FBXL17: variants seen among roughly 807,000 people sequenced by gnomAD.
The protein encoded by FBXL17 is F-box/LRR-repeat protein 17.
A neutral mutation model predicts 66.2 loss-of-function variants in FBXL17; 22 were observed. The ratio of observed to expected loss-of-function variants is 0.33; its 90% CI spans 0.24 to 0.47. FBXL17 has a LOEUF of 0.47. Ranked by LOEUF, FBXL17 falls within the 20% of genes least tolerant of loss-of-function variation. The pLI is 1.00. For missense variants in FBXL17, 878 were observed against 948.2 expected (o/e 0.93, Z 0.97); for synonymous variants, 474 against 400.5 (o/e 1.18, Z -2.19).
chr5:107,922,495 C>A (rs1434984700), intron 7 of FBXL17, among the ~76,000 whole-genome samples: 3 of 152,062 alleles, frequency 2.0e-5, no homozygotes, highest in Non-Finnish European at 2.9e-5. Flanking sequence ...GGTTAAAAAA[C>A]CCTCCATGGA....
intron 6 of FBXL17, among the ~76,000 whole-genome samples, chr5:108,047,229 C>T (rs1046682617): frequency 1.3e-5 from 2 of 152,184 alleles, no homozygotes; most frequent in Non-Finnish European, 2.9e-5. Context: ...GGGGAGCCAC[C>T]CCTCATCCAA....
chr5:108,050,909 C>T (rs1747446297), intron 6 of FBXL17, among the ~76,000 whole-genome samples: 1 of 150,564 alleles, frequency 6.6e-6, no homozygotes, highest in African/African-American at 2.4e-5. Context: ...GTTGATATCA[C>T]CACTGATACC....
At chr5:108,286,656 C>T (rs1757912078) in intron 4 of FBXL17, among the ~76,000 whole-genome samples, 1 of 151,614 alleles carries the variant, frequency 6.6e-6, no homozygotes, top group Admixed American at 6.6e-5. Flanking sequence ...CACAGAAAAA[C>T]ATTCCATGCT....
chr5:108,164,073 C>T (rs983557826), intron 6 of FBXL17, among the ~76,000 whole-genome samples: 3 of 152,000 alleles, frequency 2.0e-5, no homozygotes, highest in East Asian at 3.9e-4. Flanking sequence ...AAAATTACTC[C>T]GAAACAGAAC....
At chr5:108,099,449 A>G (rs567393440) in intron 6 of FBXL17, among the ~76,000 whole-genome samples, 1 of 152,336 alleles carries the variant, frequency 6.6e-6, no homozygotes, top group Non-Finnish European at 1.5e-5. Context: ...AGATGCAGTT[A>G]GAGTTGAACA....
intron 7 of FBXL17, among the ~76,000 whole-genome samples, chr5:107,901,684 C>T (rs1749572080): frequency 2.0e-5 from 3 of 152,212 alleles, no homozygotes; most frequent in South Asian, 2.1e-4. Flanking sequence ...TCTAGGCCTG[C>T]CTTCCTATTG....
chr5:108,321,608 C>G (rs1477274101), intron 4 of FBXL17, among the ~76,000 whole-genome samples: 1 of 151,788 alleles, frequency 6.6e-6, no homozygotes, highest in Admixed American at 6.6e-5. Context: ...TGCTCTATTA[C>G]CTGTGGATAT....
chr5:108,092,245 A>C (rs562393408), intron 6 of FBXL17, among the ~76,000 whole-genome samples: 2 of 152,206 alleles, frequency 1.3e-5, no homozygotes, highest in Non-Finnish European at 2.9e-5. Flanking sequence ...AGGTGGATAC[A>C]ATGAGAGTAG....
chr5:108,158,641 C>T (rs1580531257), intron 6 of FBXL17, among the ~76,000 whole-genome samples: 1 of 151,736 alleles, frequency 6.6e-6, no homozygotes, highest in Admixed American at 6.6e-5. Flanking sequence ...AGGAACAGGG[C>T]CAGGCACTAT....
chr5:107,957,766 T>C (rs573561486), intron 7 of FBXL17, among the ~76,000 whole-genome samples: 1 of 152,326 alleles, frequency 6.6e-6, no homozygotes, highest in Non-Finnish European at 1.5e-5. Context: ...GCCTAGGCCA[T>C]AATTTGTACA....
intron 7 of FBXL17, among the ~76,000 whole-genome samples, chr5:107,921,083 T>C (rs889771979): frequency 1.3e-5 from 2 of 152,192 alleles, no homozygotes; most frequent in African/African-American, 4.8e-5. Flanking sequence ...AAAACTAACA[T>C]TGTTTGACTA....
At chr5:107,889,689 C>G (rs1321985901) in intron 7 of FBXL17, among the ~76,000 whole-genome samples, 2 of 152,152 alleles carry the variant, frequency 1.3e-5, no homozygotes, top group Non-Finnish European at 2.9e-5. Flanking sequence ...CATCTGCTTT[C>G]CTTCCTATGA....
At chr5:108,366,606 C>T (rs1267146955) in intron 2 of FBXL17, among the ~76,000 whole-genome samples, 1 of 151,864 alleles carries the variant, frequency 6.6e-6, no homozygotes, top group Non-Finnish European at 1.5e-5. Context: ...CTATTATTAG[C>T]CTGAGTTCAT....
At chr5:108,172,600 GA>G (rs1752648383) in intron 6 of FBXL17, among the ~76,000 whole-genome samples, 1 of 152,112 alleles carries the variant, frequency 6.6e-6, no homozygotes, top group Non-Finnish European at 1.5e-5. Flanking sequence ...TCCCCAACAT[GA>G]AGTAATATTA....
At chr5:108,072,915 A>T (rs1195992460) in intron 6 of FBXL17, among the ~76,000 whole-genome samples, 1 of 152,248 alleles carries the variant, frequency 6.6e-6, no homozygotes, top group Non-Finnish European at 1.5e-5. Context: ...AAAAGGACTA[A>T]ATCTGAGATG....
intron 4 of FBXL17, among the ~76,000 whole-genome samples, chr5:108,319,130 T>C (rs1211914861): frequency 6.6e-6 from 1 of 152,016 alleles, no homozygotes; most frequent in African/African-American, 2.4e-5. Flanking sequence ...AAATAAGCCA[T>C]TCCACTTAAA....
At chr5:108,361,232 C>T (rs1015409423) in intron 3 of FBXL17, among the ~76,000 whole-genome samples, 6 of 152,036 alleles carry the variant, frequency 3.9e-5, no homozygotes, top group African/African-American at 1.4e-4. Flanking sequence ...TAGATTCTCC[C>T]CACTTCCCTA....
chr5:108,025,680 T>TAC (rs151215184), intron 6 of FBXL17, among the ~76,000 whole-genome samples: 7,603 of 130,048 alleles, frequency 0.058, 453 homozygotes, highest in African/African-American at 0.18. Flanking sequence ...CTACAACACA[T>TAC]ACACACACAC....
chr5:108,369,201 T>C (rs1038236773), intron 1 of FBXL17, among the ~76,000 whole-genome samples: 1 of 152,150 alleles, frequency 6.6e-6, no homozygotes, highest in Admixed American at 6.5e-5. Flanking sequence ...TCCTCTACAC[T>C]CCCTCAGGTG....
Sources: gnomAD v4.1 joint callset for allele counts (sites outside exome capture counted in the v4.1 genomes callset) on GRCh38, gnomAD v4.1.1 for gene constraint, MANE v1.5 for transcripts, NCBI Gene and HGNC (gene_info 2026-07-23, HGNC 2026-07-21) for gene names.